CDH4: variants seen among roughly 807,000 people sequenced by gnomAD.
CDH4 encodes cadherin 4.
CDH4 carries 33 observed loss-of-function variants against 86.0 expected under a neutral mutation model. The observed-to-expected ratio is 0.38, with a 90% CI of 0.29 to 0.51. The LOEUF (loss-of-function observed/expected upper bound fraction) is 0.51. Among genes scored for constraint, CDH4 ranks in the 20% least tolerant of loss-of-function variants. The pLI, the probability that CDH4 is intolerant of heterozygous loss-of-function variation, is 0.86. For synonymous variants in CDH4, 555 were observed against 549.4 expected (o/e 1.01, Z -0.14); for missense variants, 1,114 against 1,307.4 (o/e 0.85, Z 2.28).
intron 2 of CDH4, among the ~76,000 whole-genome samples, chr20:61,595,805 T>C (rs918209732): frequency 6.6e-6 from 1 of 152,144 alleles, no homozygotes; most frequent in African/African-American, 2.4e-5. Flanking sequence ...AGCACGTGGG[T>C]GGGAAAGATG....
rs2086066149 is a variant in CDH4 at position 61,544,844 on chromosome 20, G to C, written c.170-198719G>C. On this transcript the variant is annotated intron_variant, in intron 2 of 15. Coordinates refer to ENST00000614565, the MANE Select transcript of CDH4 (RefSeq NM_001794.5). The surrounding 1 kb of genome is among the most constrained non-coding windows in gnomAD (Gnocchi z 6.5). Reference sequence around the variant, plus strand: ...CTTGTTCCTCGGTTATAAAACTTGAGCTTTTAATTGAGGGGAGGGGGGATG... The same window carrying C: ...CTTGTTCCTCGGTTATAAAACTTGACCTTTTAATTGAGGGGAGGGGGGATG... Among the ~76,000 whole-genome samples the C allele has an allele frequency of 6.6e-6, 1 of 152,146 alleles. No homozygotes were observed. Among genetic ancestry groups the C allele is most frequent in the Non-Finnish European group, 1.5e-5 (1 of 68,032 alleles).
Position 61,939,536 on chromosome 20 carries a change from A to G in CDH4, c.*2593A>G, listed in dbSNP as rs1484334619. On this transcript the variant is annotated 3_prime_UTR_variant, in exon 16 of 16. Transcript: ENST00000614565. ...CCACCCTGGTGAGCCCCTGGGGGCC[A>G]GAGAAAGATGGGGTTCCTGCACCTT... is the stretch of plus-strand genomic sequence containing the variant. The G allele has an allele frequency of 6.6e-6, 1 of 152,440 alleles. No individual in the cohort carries two copies. The highest frequency in any genetic ancestry group is 2.4e-5 in the African/African-American group (1 of 41,478). The allele number at this position is 152,440 out of a possible 1,614,324, so 9.4% of individuals were successfully genotyped here. A position where few individuals can be genotyped will look rare whatever the true frequency, so the allele number is the denominator to read the frequency against.
At chr20:61,659,731 G>A (rs148079143) in intron 2 of CDH4, among the ~76,000 whole-genome samples, 2 of 151,920 alleles carry the variant, frequency 1.3e-5, no homozygotes, top group East Asian at 3.9e-4. Flanking sequence ...GGAGGCAGGA[G>A]GAGGGTGGGC....
Position 61,775,927 on chromosome 20 carries a change from C to T in CDH4, c.576+2745C>T, listed in dbSNP as rs191682969. On this transcript the variant is annotated intron_variant, in intron 4 of 15. Coordinates refer to ENST00000614565, the MANE Select transcript of CDH4 (RefSeq NM_001794.5). The stretch of plus-strand genomic sequence containing the variant: ...AAAAGGGAACATGAAAGAGCGAGGT[C>T]ACATGGGCACAGCCCCTGTCCCAGG... Among the ~76,000 whole-genome samples, 786 of 152,276 alleles carry T rather than the reference C, an allele frequency of 5.2e-3. 10 individuals are homozygous for T. The highest frequency in any genetic ancestry group is 0.031 in the South Asian group (151 of 4,822).
intron 2 of CDH4, among the ~76,000 whole-genome samples, chr20:61,547,530 C>T (rs2086097593): frequency 6.8e-6 from 1 of 147,110 alleles, no homozygotes. Context: ...ACTTTCTGCT[C>T]TGGCCTGTGA....
At position 61,447,609 on chromosome 20, in the gene CDH4, T is replaced by C. The variant is rs993383277; in HGVS notation, c.169+192672T>C. 2.0e-5 allele frequency among the ~76,000 whole-genome samples: 3 copies of C among 146,422 alleles called. No homozygotes were observed. In the East Asian group the frequency reaches 6.2e-4, roughly 30 times the overall value. ...CCACTCAGATCCATTTTCTCTCCCC[T>C]GCTCATTCTACTTCCTTTTTTTTTT... On this transcript the variant is annotated intron_variant, in intron 2 of 15. Coordinates refer to ENST00000614565, the MANE Select transcript of CDH4 (RefSeq NM_001794.5).
intron 2 of CDH4, among the ~76,000 whole-genome samples, chr20:61,581,217 C>T (rs115328541): frequency 0.01 from 1,572 of 152,288 alleles, 24 homozygotes; most frequent in African/African-American, 0.036. Flanking sequence ...TCCAGGGATC[C>T]GTGCATGATG....
chr20:61,509,730 T>G (rs189581588), intron 2 of CDH4, among the ~76,000 whole-genome samples: 18 of 152,142 alleles, frequency 1.2e-4, no homozygotes, highest in Admixed American at 1.2e-3. Context: ...AGGCTGAATT[T>G]GCAAGATTTG....
chr20:61,836,381 C>G (rs1158855185), intron 4 of CDH4, among the ~76,000 whole-genome samples: 5 of 152,210 alleles, frequency 3.3e-5, no homozygotes, highest in Non-Finnish European at 7.3e-5. Flanking sequence ...CCGGGCAGAT[C>G]TGTGAGAACA....
chr20:61,839,728 G>A (rs181445159), intron 4 of CDH4, among the ~76,000 whole-genome samples: 4 of 151,574 alleles, frequency 2.6e-5, no homozygotes, highest in Non-Finnish European at 2.9e-5. Flanking sequence ...TATTGAGTGT[G>A]TGTGTTGTGT....
intron 4 of CDH4, among the ~76,000 whole-genome samples, chr20:61,836,067 C>T (rs183869678): frequency 2.4e-4 from 36 of 152,354 alleles, no homozygotes; most frequent in African/African-American, 7.2e-4. Context: ...AGGGCTCCAT[C>T]TGTGTTTCCA....
intron 2 of CDH4, among the ~76,000 whole-genome samples, chr20:61,262,068 G>A (rs965222969): frequency 5.3e-5 from 8 of 152,178 alleles, no homozygotes; most frequent in African/African-American, 1.2e-4. Flanking sequence ...CCCTGAGCAC[G>A]TTCCATCTGA....
intron 7 of CDH4, among the ~76,000 whole-genome samples, chr20:61,877,526 G>A (rs537504546): frequency 8.5e-5 from 13 of 152,298 alleles, no homozygotes; most frequent in African/African-American, 2.6e-4. Flanking sequence ...GGCGTTCTCC[G>A]CTGTGTGTGC....
intron 2 of CDH4, among the ~76,000 whole-genome samples, chr20:61,319,137 A>C (rs1970544): frequency 0.93 from 141,732 of 152,114 alleles, 66,092 homozygotes; most frequent in East Asian, 1. Flanking sequence ...TCTCTGTAGT[A>C]TTACAATAAG....
chr20:61,704,348 G>A (rs1283075256), intron 2 of CDH4, among the ~76,000 whole-genome samples: 1 of 152,150 alleles, frequency 6.6e-6, no homozygotes, highest in Non-Finnish European at 1.5e-5. Context: ...ACCAATGCAG[G>A]TGCTGATCCA....
chr20:61,375,415 G>T (rs1176080066), intron 2 of CDH4, among the ~76,000 whole-genome samples: 1 of 151,854 alleles, frequency 6.6e-6, no homozygotes, highest in African/African-American at 2.4e-5. Context: ...GGAGGTGTTG[G>T]TGATGGTGCT....
intron 2 of CDH4, among the ~76,000 whole-genome samples, chr20:61,452,660 C>A (rs1392314907): frequency 2.6e-5 from 4 of 152,172 alleles, no homozygotes; most frequent in African/African-American, 9.7e-5. Flanking sequence ...CCACACCGTA[C>A]AGAAGTAAGG....
intron 15 of CDH4, among the ~76,000 whole-genome samples, chr20:61,936,052 G>A (rs1041329271): frequency 6.6e-6 from 1 of 152,000 alleles, no homozygotes; most frequent in Non-Finnish European, 1.5e-5. Flanking sequence ...GGGCACTGAG[G>A]AGAGGACGGG....
At chr20:61,523,986 A>G (rs1024418699) in intron 2 of CDH4, among the ~76,000 whole-genome samples, 3 of 152,364 alleles carry the variant, frequency 2.0e-5, no homozygotes, top group Admixed American at 1.3e-4. Flanking sequence ...GAATTCACCT[A>G]TATCTACCCA....
Sources: gnomAD v4.1 joint callset for allele counts (sites outside exome capture counted in the v4.1 genomes callset) on GRCh38, gnomAD v4.1.1 for gene constraint, Gnocchi (gnomAD v3.1) non-coding constraint, MANE v1.5 for transcripts, NCBI Gene and HGNC (gene_info 2026-07-23, HGNC 2026-07-21) for gene names.